Variants in THSD7B observed in about 807,000 individuals in gnomAD.
THSD7B encodes the protein thrombospondin type 1 domain containing 7B, also known as thrombospondin type-1 domain-containing protein 7B.
THSD7B carries 138 observed loss-of-function variants against 213.6 expected under a neutral mutation model. The observed-to-expected ratio is 0.65, with a 90% CI of 0.56 to 0.74. THSD7B has a LOEUF of 0.74. Among genes scored for constraint, THSD7B ranks in the 30% least tolerant of loss-of-function variants. THSD7B has a pLI of 0.00. For missense variants in THSD7B, 1,931 were observed against 1,991.5 expected, an observed-to-expected ratio of 0.97 and a Z score of 0.58; for synonymous variants, 742 against 687.0, an observed-to-expected ratio of 1.08 and a Z score of -1.25.
At chr2:136,990,974 A>C in intron 2 of THSD7B, 3 of 1,314,892 alleles carry the variant, frequency 2.3e-6, no homozygotes, top group Non-Finnish European at 3.0e-6. Flanking sequence ...AAGACATCAA[A>C]ACTATCACAT....
chr2:137,360,183 TAACTC>T (rs1259301990), intron 12 of THSD7B, among the ~76,000 whole-genome samples: 1 of 152,178 alleles, frequency 6.6e-6, no homozygotes, highest in Non-Finnish European at 1.5e-5. Flanking sequence ...TGGCTACAGA[TAACTC>T]AAGTTATTAG....
At chr2:137,577,461 T>C (rs1681487403) in intron 17 of THSD7B, among the ~76,000 whole-genome samples, 1 of 152,118 alleles carries the variant, frequency 6.6e-6, no homozygotes. Flanking sequence ...AAGGCTTCCA[T>C]TGCCCTCAAT....
intron 12 of THSD7B, among the ~76,000 whole-genome samples, chr2:137,385,380 G>T (rs1032496391): frequency 6.6e-6 from 1 of 152,180 alleles, no homozygotes; most frequent in Non-Finnish European, 1.5e-5. Flanking sequence ...CCATGCCCCT[G>T]CTCTGGCCTT....
Position 137,021,700 on chromosome 2 carries a change from G to T in THSD7B, c.140-34720G>T, listed in dbSNP as rs1054026050. Among the ~76,000 whole-genome samples, 5 of 152,184 alleles carry T rather than the reference G, an allele frequency of 3.3e-5. No individual in the cohort carries two copies. The East Asian group carries it at 9.7e-4, about 29-fold the overall frequency. On this transcript the variant is annotated intron_variant, in intron 2 of 27. Coordinates refer to ENST00000409968, the MANE Select transcript of THSD7B (RefSeq NM_001316349.2). ...TGATGTAGTTAGATCCAGAGCATTT[G>T]TATCACCACATGGTCCCTCATGTGC...
intron 5 of THSD7B, among the ~76,000 whole-genome samples, chr2:137,135,889 T>A (rs1679445153): frequency 6.6e-6 from 1 of 152,108 alleles, no homozygotes; most frequent in African/African-American, 2.4e-5. Flanking sequence ...GTTAGACCAT[T>A]AGACACACTG....
intron 2 of THSD7B, among the ~76,000 whole-genome samples, chr2:136,964,583 C>A (rs1222011730): frequency 1.3e-5 from 2 of 152,200 alleles, no homozygotes; most frequent in African/African-American, 4.8e-5. Flanking sequence ...TTTCTCCCTA[C>A]TTAAACGTTC....
At chr2:137,505,067 T>G (rs1455440177) in intron 15 of THSD7B, among the ~76,000 whole-genome samples, 2 of 151,554 alleles carry the variant, frequency 1.3e-5, no homozygotes, top group Non-Finnish European at 1.5e-5. Flanking sequence ...GAGCAAATAT[T>G]TTAGAATGCA....
chr2:136,801,859 G>A (rs76895987), intron 1 of THSD7B, among the ~76,000 whole-genome samples: 155 of 152,156 alleles, frequency 1.0e-3, no homozygotes, highest in African/African-American at 3.4e-3. Flanking sequence ...GAGACTTCAG[G>A]GAAGGAAATG....
intron 5 of THSD7B, among the ~76,000 whole-genome samples, chr2:137,118,198 A>G (rs1688478995): frequency 6.6e-6 from 1 of 152,250 alleles, no homozygotes; most frequent in Admixed American, 6.5e-5. Flanking sequence ...CAGAAGCAGC[A>G]GCACAAGTGA....
chr2:136,855,987 G>A (rs887535280), intron 1 of THSD7B, among the ~76,000 whole-genome samples: 6 of 64,130 alleles, frequency 9.4e-5, no homozygotes, highest in African/African-American at 3.9e-4. Context: ...CCTTCTCAAG[G>A]AAGTTTTTCC....
At chr2:136,942,472 C>G (rs960285697) in intron 2 of THSD7B, among the ~76,000 whole-genome samples, 1 of 152,132 alleles carries the variant, frequency 6.6e-6, no homozygotes, top group African/African-American at 2.4e-5. Context: ...CTGATTCTTC[C>G]TATCCATGAG....
At chr2:137,277,416 A>G (rs972188421) in intron 12 of THSD7B, among the ~76,000 whole-genome samples, 5 of 152,074 alleles carry the variant, frequency 3.3e-5, no homozygotes, top group African/African-American at 1.2e-4. Context: ...TGTTTAGTTG[A>G]TGGGCAAGTT....
chr2:137,127,541 T>C (rs1480968105), intron 5 of THSD7B, among the ~76,000 whole-genome samples: 1 of 152,238 alleles, frequency 6.6e-6, no homozygotes, highest in Non-Finnish European at 1.5e-5. Flanking sequence ...ATTCTAATTC[T>C]AACCTTCTGC....
chr2:136,924,262 G>T (rs1324458629), intron 2 of THSD7B, among the ~76,000 whole-genome samples: 1 of 152,122 alleles, frequency 6.6e-6, no homozygotes, highest in Non-Finnish European at 1.5e-5. Flanking sequence ...TTGTGTTTTA[G>T]TAGAGATGAT....
intron 1 of THSD7B, among the ~76,000 whole-genome samples, chr2:136,832,353 G>A (rs573794862): frequency 2.6e-5 from 4 of 152,076 alleles, no homozygotes; most frequent in South Asian, 2.1e-4. Context: ...TGAGAACCAG[G>A]GGGGTGGATG....
At chr2:136,944,866 T>C (rs1164450655) in intron 2 of THSD7B, among the ~76,000 whole-genome samples, 5 of 152,172 alleles carry the variant, frequency 3.3e-5, no homozygotes, top group African/African-American at 9.7e-5. Flanking sequence ...TGTCTTTTAA[T>C]TGGGGCATTT....
chr2:136,949,572 C>T (rs1685000632), intron 2 of THSD7B, among the ~76,000 whole-genome samples: 1 of 152,322 alleles, frequency 6.6e-6, no homozygotes, highest in Admixed American at 6.5e-5. Flanking sequence ...AATGCACACC[C>T]ACCTCTGTTG....
At chr2:137,034,948 C>T (rs1219267195) in intron 2 of THSD7B, among the ~76,000 whole-genome samples, 3 of 152,140 alleles carry the variant, frequency 2.0e-5, no homozygotes, top group Admixed American at 6.5e-5. Context: ...CCTTTGGGTA[C>T]ATACCCAGTA....
chr2:137,049,008 C>T (rs1687016090), intron 2 of THSD7B, among the ~76,000 whole-genome samples: 1 of 152,170 alleles, frequency 6.6e-6, no homozygotes, highest in Non-Finnish European at 1.5e-5. Context: ...GCAAAACAGC[C>T]AAGTAAATGA....
Sources: gnomAD v4.1 joint callset for allele counts (sites outside exome capture counted in the v4.1 genomes callset) on GRCh38, gnomAD v4.1.1 for gene constraint, MANE v1.5 for transcripts, NCBI Gene and HGNC (gene_info 2026-07-23, HGNC 2026-07-21) for gene names.